MACROD2: variants seen among roughly 807,000 people sequenced by gnomAD.
MACROD2 encodes the protein ADP-ribose glycohydrolase MACROD2.
MACROD2 carries 36 observed loss-of-function variants against 70.4 expected under a neutral mutation model. The ratio of observed to expected loss-of-function variants is 0.51; its 90% CI spans 0.39 to 0.68. The LOEUF is 0.68. Ranked by LOEUF, MACROD2 falls within the 30% of genes least tolerant of loss-of-function variation. The pLI, the probability that MACROD2 is intolerant of heterozygous loss-of-function variation, is 0.00. For missense variants in MACROD2, 496 were observed against 538.4 expected, an observed-to-expected ratio of 0.92 and a Z score of 0.78; for synonymous variants, 172 against 178.8, an observed-to-expected ratio of 0.96 and a Z score of 0.30.
At chr20:14,131,062 C>G (rs2054712695) in intron 3 of MACROD2, among the ~76,000 whole-genome samples, 2 of 151,682 alleles carry the variant, frequency 1.3e-5, no homozygotes, top group African/African-American at 4.8e-5. Flanking sequence ...ATAGCTGGGA[C>G]TGCAGGAACG....
Position 15,238,909 on chromosome 20 carries a change from A to G in MACROD2, c.540+8848A>G, listed in dbSNP as rs568876804. Among the ~76,000 whole-genome samples the G allele has an allele frequency of 3.3e-5, 5 of 152,324 alleles. No individual in the cohort carries two copies. In the South Asian group the frequency reaches 1.0e-3, roughly 32 times the overall value. On this transcript the variant is annotated intron_variant, in intron 6 of 17. Coordinates refer to ENST00000684519, the MANE Select transcript of MACROD2 (RefSeq NM_001351661.2). The stretch of plus-strand genomic sequence containing the variant: ...GGAAATACTGGCCTAGCACACTGTC[A>G]AAGAGAGTATATTACAGTGAAATTT...
intron 3 of MACROD2, among the ~76,000 whole-genome samples, chr20:14,379,795 C>A (rs1280966228): frequency 6.6e-6 from 1 of 152,080 alleles, no homozygotes; most frequent in Non-Finnish European, 1.5e-5. Flanking sequence ...AAATTTCACT[C>A]CTTTTTAAGG....
chr20:15,316,875 A>C (rs2077817033), intron 6 of MACROD2, among the ~76,000 whole-genome samples: 2 of 152,144 alleles, frequency 1.3e-5, no homozygotes, highest in South Asian at 4.1e-4. Flanking sequence ...TGAAGTTAGA[A>C]ACCAATAACA....
intron 2 of MACROD2, chr20:14,053,419 C>T (rs1032419033): frequency 6.6e-6 from 1 of 152,086 alleles, no homozygotes; most frequent in Non-Finnish European, 1.5e-5. Context: ...GTGCTTCAGT[C>T]CTAGGAATTA....
chr20:14,801,348 T>G (rs2072573216), intron 5 of MACROD2, among the ~76,000 whole-genome samples: 1 of 152,128 alleles, frequency 6.6e-6, no homozygotes, highest in Non-Finnish European at 1.5e-5. Context: ...CCATAATCAT[T>G]AGACCAATTT....
intron 3 of MACROD2, among the ~76,000 whole-genome samples, chr20:14,198,860 G>A (rs1025247801): frequency 8.5e-5 from 13 of 152,124 alleles, no homozygotes; most frequent in Admixed American, 8.5e-4. Flanking sequence ...CTGCAGTGAT[G>A]GGGATTGCTG....
At chr20:15,237,037 T>G (rs2077019481) in intron 6 of MACROD2, among the ~76,000 whole-genome samples, 1 of 152,164 alleles carries the variant, frequency 6.6e-6, no homozygotes, top group Non-Finnish European at 1.5e-5. Flanking sequence ...AAGCATTTTG[T>G]GGGCAGGGAC....
intron 2 of MACROD2, among the ~76,000 whole-genome samples, chr20:14,039,439 A>T (rs1351818156): frequency 6.6e-6 from 1 of 152,044 alleles, no homozygotes; most frequent in Non-Finnish European, 1.5e-5. Flanking sequence ...CTTATGTTTT[A>T]TTTTTTTCTT....
chr20:15,101,971 C>A (rs1239352270), intron 5 of MACROD2, among the ~76,000 whole-genome samples: 1 of 151,822 alleles, frequency 6.6e-6, no homozygotes, highest in Non-Finnish European at 1.5e-5. Context: ...TATTAAGAGT[C>A]CTAGTAAAAA....
intron 4 of MACROD2, among the ~76,000 whole-genome samples, chr20:14,569,567 C>A (rs1212578162): frequency 6.6e-6 from 1 of 151,812 alleles, no homozygotes; most frequent in Non-Finnish European, 1.5e-5. Context: ...ATTTAGGTCC[C>A]CCCACCTTTT....
At chr20:15,234,013 T>TATATATATA (rs1568657569) in intron 6 of MACROD2, among the ~76,000 whole-genome samples, 1 of 8,678 alleles carries the variant, frequency 1.2e-4, no homozygotes, top group Non-Finnish European at 2.3e-4. Context: ...ATATATATTC[T>TATATATATA]TTTTTTTTTT....
chr20:15,414,931 A>G (rs781285317), intron 6 of MACROD2, among the ~76,000 whole-genome samples: 5 of 152,214 alleles, frequency 3.3e-5, no homozygotes, highest in Non-Finnish European at 7.3e-5. Flanking sequence ...TGCCTAAATG[A>G]TTGGATACAC....
intron 2 of MACROD2, among the ~76,000 whole-genome samples, chr20:14,054,465 C>T (rs2053610177): frequency 6.6e-6 from 1 of 151,826 alleles, no homozygotes; most frequent in Non-Finnish European, 1.5e-5. Flanking sequence ...GAGAAGTTGG[C>T]TGGAGAATGA....
chr20:15,822,756 C>G (rs1015333835), intron 8 of MACROD2, among the ~76,000 whole-genome samples: 1 of 151,998 alleles, frequency 6.6e-6, no homozygotes, highest in Non-Finnish European at 1.5e-5. Context: ...TCAATCTGGC[C>G]TTTTGCGGGA....
chr20:15,780,753 TAGAG>T lies in MACROD2; in HGVS notation c.646-81986_646-81983del, dbSNP rs903294161. Among the ~76,000 whole-genome samples, 166 of 152,140 alleles carry T rather than the reference TAGAG, an allele frequency of 1.1e-3. 1 individual carries two copies. The highest frequency in any genetic ancestry group is 3.8e-3 in the African/African-American group (157 of 41,536). On this transcript the variant is annotated intron_variant, in intron 8 of 17. Coordinates refer to ENST00000684519, the MANE Select transcript of MACROD2 (RefSeq NM_001351661.2). ...ATGGCTTAGACTAGGGTGGTATCCA[TAGAG>T]AGAGAAGTAGACAGATTCAAGATGC...
intron 3 of MACROD2, among the ~76,000 whole-genome samples, chr20:14,224,141 A>G (rs2081710113): frequency 6.6e-6 from 1 of 152,082 alleles, no homozygotes; most frequent in African/African-American, 2.4e-5. Flanking sequence ...AAACACTTTC[A>G]CAGAAACATA....
At chr20:15,296,135 A>C (rs1313003601) in intron 6 of MACROD2, among the ~76,000 whole-genome samples, 1 of 152,140 alleles carries the variant, frequency 6.6e-6, no homozygotes, top group Non-Finnish European at 1.5e-5. Context: ...TACCACCTAC[A>C]CCACCAGCCC....
intron 4 of MACROD2, among the ~76,000 whole-genome samples, chr20:14,501,289 G>A (rs2084911954): frequency 6.6e-6 from 1 of 152,056 alleles, no homozygotes; most frequent in Non-Finnish European, 1.5e-5. Flanking sequence ...TGGAAAGAGG[G>A]AAAGCCTATT....
At chr20:14,414,098 C>G (rs2083778178) in intron 3 of MACROD2, among the ~76,000 whole-genome samples, 1 of 152,122 alleles carries the variant, frequency 6.6e-6, no homozygotes, top group African/African-American at 2.4e-5. Flanking sequence ...TTGCTGACAA[C>G]TCTCTAATTT....
Sources: allele counts gnomAD v4.1 joint callset (sites outside exome capture counted in the v4.1 genomes callset), GRCh38; gene constraint gnomAD v4.1.1; transcripts MANE v1.5; gene names NCBI Gene and HGNC (gene_info 2026-07-23, HGNC 2026-07-21).